Variants in SPIRE1 observed in about 807,000 individuals in gnomAD.
The protein encoded by SPIRE1 is spire type actin nucleation factor 1.
A neutral mutation model predicts 94.1 loss-of-function variants in SPIRE1; 40 were observed. The ratio of observed to expected loss-of-function variants is 0.43; its 90% CI spans 0.33 to 0.55. SPIRE1 has a LOEUF of 0.55. SPIRE1 is among the 20% of genes least tolerant of loss of function. The pLI is 0.06. For missense variants in SPIRE1, 838 were observed against 975.2 expected, an observed-to-expected ratio of 0.86 and a Z score of 1.87; for synonymous variants, 376 against 371.7, an observed-to-expected ratio of 1.01 and a Z score of -0.13.
chr18:12,646,519 A>AT (rs980324492), intron 1 of SPIRE1, among the ~76,000 whole-genome samples: 10 of 152,074 alleles, frequency 6.6e-5, no homozygotes, highest in African/African-American at 2.4e-4. Context: ...CTAACATGGT[A>AT]TTTTCACTAA....
intron 1 of SPIRE1, among the ~76,000 whole-genome samples, chr18:12,650,050 T>C (rs1031593259): frequency 6.6e-6 from 1 of 151,196 alleles, no homozygotes; most frequent in Non-Finnish European, 1.5e-5. Context: ...ACCAGCATGA[T>C]CAATATGGAA....
intron 12 of SPIRE1, among the ~76,000 whole-genome samples, chr18:12,454,996 T>C (rs2031443857): frequency 6.6e-6 from 1 of 152,016 alleles, no homozygotes; most frequent in Non-Finnish European, 1.5e-5. Context: ...AGGGCAGTGA[T>C]GCGATCATGG....
In SPIRE1 at chr18:12,495,986, C is replaced by T. The variant is rs372556626; in HGVS notation, c.1059+30G>A. ...GTAGAATAATTCATTATGATATCTC[C>T]AATCTAGAGAACTATGTCGAATTAC... On this transcript the variant is annotated intron_variant, in intron 7 of 16. Coordinates refer to ENST00000409402, the MANE Select transcript of SPIRE1 (RefSeq NM_001128626.2). 3.2e-4 allele frequency: 482 copies of T among 1,492,618 alleles called. 1 individual carries two copies. The highest frequency in any genetic ancestry group is 3.7e-4 in the Non-Finnish European group (401 of 1,069,356). 92.5% of individuals were successfully genotyped at this position (1,492,618 alleles called of 1,614,324 possible).
chr18:12,590,467 C>A (rs2036501759), intron 2 of SPIRE1, among the ~76,000 whole-genome samples: 1 of 151,920 alleles, frequency 6.6e-6, no homozygotes, highest in Admixed American at 6.6e-5. Flanking sequence ...TCAATTTTTC[C>A]CATAGAAAAA....
Position 12,657,734 on chromosome 18 carries a change from T to G in SPIRE1, c.133A>C (p.Ile45Leu). Reference protein sequence around the residue: ...GSRDALSLEEILRLYNQPINE... With the variant: ...GSRDALSLEELLRLYNQPINE... ...ATGGGCTGGTTGTACAGCCGCAGGA[T>G]CTCCTCCAGGCTCAGCGCGTCCCGG... Residue 45 changes from isoleucine (I) to leucine (L), a missense_variant, in exon 1 of 17, where the codon ATC becomes CTC. This residue lies in a region of SPIRE1 where 193 missense variants were observed against 170.5 expected (regional missense o/e 1.13). Coordinates refer to ENST00000409402, the MANE Select transcript of SPIRE1 (RefSeq NM_001128626.2). The G allele has an allele frequency of 7.1e-7, 1 of 1,399,580 alleles. No homozygotes were observed. Among genetic ancestry groups the G allele is most frequent in the Non-Finnish European group, 9.4e-7 (1 of 1,068,578 alleles). 86.7% of individuals were successfully genotyped at this position (1,399,580 alleles called of 1,614,324 possible).
At chr18:12,490,733 C>T (rs1444625186) in intron 8 of SPIRE1, among the ~76,000 whole-genome samples, 4 of 152,036 alleles carry the variant, frequency 2.6e-5, no homozygotes, top group South Asian at 2.1e-4. Context: ...CAAAATTCAA[C>T]ACCTTTTCAA....
chr18:12,526,789 G>A (rs2034536159), intron 4 of SPIRE1, among the ~76,000 whole-genome samples: 2 of 151,656 alleles, frequency 1.3e-5, no homozygotes, highest in African/African-American at 4.8e-5. Flanking sequence ...GGCTCACTGT[G>A]ACCTCTGTCT....
At position 12,479,732 on chromosome 18, in the gene SPIRE1, T is replaced by C; in HGVS notation, c.1371A>G (p.Pro457=). The C allele has an allele frequency of 6.2e-7, 1 of 1,613,822 alleles. No homozygotes were observed. The highest frequency in any genetic ancestry group is 1.3e-5 in the African/African-American group (1 of 75,034). ...CAGAGCTGTCCAGTTCGGCCAGAGTTGGGGCTCTGAGGAGCTTCTTCCGCT... is the reference window on the plus strand; with the variant it reads ...CAGAGCTGTCCAGTTCGGCCAGAGTCGGGGCTCTGAGGAGCTTCTTCCGCT... The part of the protein sequence containing the change: ...PAQRKKLLRA[P]TLAELDSSES... The change falls in exon 10 of 17, where the codon CCA becomes CCG. Residue 457 remains proline (P), a synonymous_variant. Coordinates refer to ENST00000409402, the MANE Select transcript of SPIRE1 (RefSeq NM_001128626.2).
chr18:12,512,321 G>C, intron 5 of SPIRE1, 133 bp downstream of exon 5: 1 of 593,838 alleles, frequency 1.7e-6, no homozygotes. Flanking sequence ...CGGGAGGTGG[G>C]GGTTGCAGTG....
At chr18:12,620,641 T>A (rs895030551) in intron 2 of SPIRE1, among the ~76,000 whole-genome samples, 1 of 152,124 alleles carries the variant, frequency 6.6e-6, no homozygotes, top group African/African-American at 2.4e-5. Context: ...TCAAACCATA[T>A]ACAAAAATTA....
intron 10 of SPIRE1, among the ~76,000 whole-genome samples, chr18:12,474,491 T>C (rs1441879716): frequency 6.6e-6 from 1 of 152,122 alleles, no homozygotes; most frequent in Non-Finnish European, 1.5e-5. Context: ...TGTACTTCTG[T>C]GTAAGTCTGG....
chr18:12,583,402 G>C (rs1342590403), intron 2 of SPIRE1, among the ~76,000 whole-genome samples: 1 of 152,188 alleles, frequency 6.6e-6, no homozygotes, highest in Non-Finnish European at 1.5e-5. Flanking sequence ...AAGAGATTGA[G>C]ACCATCCTGG....
At chr18:12,580,901 G>A (rs534690241) in intron 2 of SPIRE1, among the ~76,000 whole-genome samples, 20 of 152,130 alleles carry the variant, frequency 1.3e-4, no homozygotes, top group African/African-American at 4.6e-4. Context: ...GGTGTGGTGC[G>A]GATGACCCCA....
At chr18:12,452,951 AGAGT>A (rs2143505158) in intron 14 of SPIRE1, 113 bp downstream of exon 14, 1 of 673,586 alleles carries the variant, frequency 1.5e-6, no homozygotes, top group East Asian at 2.8e-5. Context: ...GTAACGTAAC[AGAGT>A]GAGTCATTTC....
intron 2 of SPIRE1, among the ~76,000 whole-genome samples, chr18:12,578,901 G>A (rs2036182085): frequency 1.3e-5 from 2 of 152,054 alleles, no homozygotes; most frequent in African/African-American, 4.8e-5. Flanking sequence ...TTTTCTATAA[G>A]TAAGCCTCAC....
At chr18:12,615,966 C>T (rs1210083815) in intron 2 of SPIRE1, among the ~76,000 whole-genome samples, 3 of 152,210 alleles carry the variant, frequency 2.0e-5, no homozygotes, top group Non-Finnish European at 2.9e-5. Context: ...TCTCAATCTT[C>T]CATTCTTCAA....
chr18:12,472,464 C>T (rs1264276607), intron 10 of SPIRE1, among the ~76,000 whole-genome samples: 1 of 148,714 alleles, frequency 6.7e-6, no homozygotes, highest in Non-Finnish European at 1.5e-5. Flanking sequence ...ACCTCCTGGG[C>T]TTAGGTGATC....
At chr18:12,555,067 G>A (rs897308245) in intron 2 of SPIRE1, among the ~76,000 whole-genome samples, 5 of 151,930 alleles carry the variant, frequency 3.3e-5, no homozygotes, top group Admixed American at 6.6e-5. Context: ...CCTCCCTAAC[G>A]CTTGTTTTCC....
At chr18:12,586,692 A>G (rs1250158871) in intron 2 of SPIRE1, among the ~76,000 whole-genome samples, 2 of 152,220 alleles carry the variant, frequency 1.3e-5, no homozygotes, top group Non-Finnish European at 2.9e-5. Context: ...TATTATATAA[A>G]TCCAATAAAG....
Sources: gnomAD v4.1 joint callset for allele counts (sites outside exome capture counted in the v4.1 genomes callset) on GRCh38, gnomAD v4.1.1 for gene constraint, gnomAD v4.1.1 regional missense constraint, MANE v1.5 for transcripts, NCBI Gene and HGNC (gene_info 2026-07-23, HGNC 2026-07-21) for gene names.